Variants in SYT16 observed in about 807,000 individuals in gnomAD.
SYT16 encodes the protein synaptotagmin-16.
A neutral mutation model predicts 61.4 loss-of-function variants in SYT16; 42 were observed. The ratio of observed to expected loss-of-function variants is 0.68; its 90% confidence interval spans 0.53 to 0.89. SYT16 has a LOEUF of 0.89. Among genes scored for constraint, SYT16 ranks in the 40% least tolerant of loss-of-function variants. The pLI, the probability that SYT16 is intolerant of heterozygous loss-of-function variation, is 0.00. For missense variants in SYT16, 804 were observed against 807.3 expected, an observed-to-expected ratio of 1.00 and a Z score of 0.05; for synonymous variants, 314 against 302.3, an observed-to-expected ratio of 1.04 and a Z score of -0.40.
At chr14:62,014,925 T>A (rs1017351429) in intron 3 of SYT16, among the ~76,000 whole-genome samples, 4 of 152,204 alleles carry the variant, frequency 2.6e-5, no homozygotes, top group African/African-American at 9.6e-5. Context: ...AAATACTAAG[T>A]ACACTTTATA....
At chr14:61,843,830 G>A (rs1168291960) in intron 1 of SYT16, among the ~76,000 whole-genome samples, 3 of 152,190 alleles carry the variant, frequency 2.0e-5, no homozygotes, top group African/African-American at 7.2e-5. Flanking sequence ...TTTGAAGTCA[G>A]ATAATGTGAT....
Position 62,100,740 on chromosome 14 carries a change from C to A in SYT16, c.*33C>A. On this transcript the variant is annotated 3_prime_UTR_variant, in exon 8 of 8. Coordinates refer to ENST00000683842, the MANE Select transcript of SYT16 (RefSeq NM_001367656.1). Reference sequence around the variant, plus strand: ...AACCTGCATTTGTGTGCTGTGTCCACCTTGGTTACCTGTGTTGCTGTCTAC... The same window carrying A: ...AACCTGCATTTGTGTGCTGTGTCCAACTTGGTTACCTGTGTTGCTGTCTAC... 1 of 1,586,874 alleles carries A rather than the reference C, an allele frequency of 6.3e-7. No individual in the cohort carries two copies. Among genetic ancestry groups the A allele is most frequent in the South Asian group, 1.2e-5 (1 of 85,758 alleles).
intron 1 of SYT16, among the ~76,000 whole-genome samples, chr14:61,901,762 A>AATAATAATAATAATTATT (rs1010775490): frequency 7.9e-5 from 11 of 138,850 alleles, no homozygotes; most frequent in African/African-American, 3.2e-4. Context: ...TAATAATAAT[A>AATAATAATAATAATTATT]ATTATTATTA....
intron 4 of SYT16, among the ~76,000 whole-genome samples, chr14:62,071,761 T>C (rs1008782185): frequency 1.3e-5 from 2 of 152,220 alleles, no homozygotes; most frequent in East Asian, 3.8e-4. Context: ...CATTGTTTTG[T>C]AAGATCAAAT....
chr14:61,943,330 T>G (rs1265762504), intron 1 of SYT16, among the ~76,000 whole-genome samples: 1 of 152,162 alleles, frequency 6.6e-6, no homozygotes, highest in Admixed American at 6.5e-5. Context: ...CCATTCCTTC[T>G]AAAACTATTC....
At chr14:62,019,846 T>C (rs2053845178) in intron 3 of SYT16, among the ~76,000 whole-genome samples, 1 of 152,206 alleles carries the variant, frequency 6.6e-6, no homozygotes, top group Non-Finnish European at 1.5e-5. Flanking sequence ...AGCTGCCCAC[T>C]ACATCATTTA....
intron 3 of SYT16, among the ~76,000 whole-genome samples, chr14:62,053,374 G>C (rs895719907): frequency 6.6e-6 from 1 of 152,156 alleles, no homozygotes; most frequent in Admixed American, 6.5e-5. Context: ...CGGAACTTAC[G>C]CTATTGGTTC....
chr14:61,982,314 C>G (rs906795344), intron 2 of SYT16, among the ~76,000 whole-genome samples: 6 of 152,072 alleles, frequency 3.9e-5, no homozygotes, highest in African/African-American at 7.2e-5. Context: ...ATACCTGAGA[C>G]TGGGTAATTT....
At chr14:61,938,109 A>C (rs1190088634) in intron 1 of SYT16, among the ~76,000 whole-genome samples, 2 of 151,576 alleles carry the variant, frequency 1.3e-5, no homozygotes, top group African/African-American at 2.4e-5. Flanking sequence ...TATCTAGACT[A>C]TAAGTTTAAT....
chr14:61,872,835 G>A (rs1381557469), intron 1 of SYT16, among the ~76,000 whole-genome samples: 1 of 152,164 alleles, frequency 6.6e-6, no homozygotes, highest in Non-Finnish European at 1.5e-5. Context: ...TTGTCTGGAT[G>A]CCTAATTCAA....
chr14:62,073,442 T>C (rs143374373), intron 4 of SYT16, among the ~76,000 whole-genome samples: 1 of 152,288 alleles, frequency 6.6e-6, no homozygotes, highest in East Asian at 1.9e-4. Context: ...TGTTGTAGGT[T>C]TTTGCATGTG....
At chr14:61,820,457 C>T (rs1161837177) in intron 1 of SYT16, among the ~76,000 whole-genome samples, 1 of 145,028 alleles carries the variant, frequency 6.9e-6, no homozygotes, top group Non-Finnish European at 1.5e-5. Flanking sequence ...TGCTTCAGGG[C>T]ACCTCTTCAG....
At chr14:61,997,792 A>C (rs1193028641) in intron 3 of SYT16, among the ~76,000 whole-genome samples, 1 of 152,054 alleles carries the variant, frequency 6.6e-6, no homozygotes. Context: ...AGGTTGAACT[A>C]TATTTGAAAT....
At chr14:61,996,868 T>C (rs2052793274) in intron 3 of SYT16, among the ~76,000 whole-genome samples, 1 of 152,076 alleles carries the variant, frequency 6.6e-6, no homozygotes, top group African/African-American at 2.4e-5. Flanking sequence ...GTTCTTTTTT[T>C]CTTCTAGGTT....
At chr14:61,953,817 C>T (rs1015690023) in intron 1 of SYT16, among the ~76,000 whole-genome samples, 8 of 152,186 alleles carry the variant, frequency 5.3e-5, no homozygotes, top group Non-Finnish European at 2.9e-5. Flanking sequence ...TGTTCACTGC[C>T]TTTCCTGGGA....
At chr14:62,075,068 C>G in intron 4 of SYT16, 67 bp from the exon 5 acceptor site, 1 of 1,499,204 alleles carries the variant, frequency 6.7e-7, no homozygotes, top group African/African-American at 1.4e-5. Flanking sequence ...TGCAATTACT[C>G]AATTTCTCTA....
chr14:62,050,473 G>A (rs1595271350), intron 3 of SYT16, among the ~76,000 whole-genome samples: 4 of 152,218 alleles, frequency 2.6e-5, no homozygotes, highest in Admixed American at 6.5e-5. Flanking sequence ...CTCTCAACTC[G>A]TCAAAGTTAT....
At chr14:61,946,355 G>A (rs1356655019) in intron 1 of SYT16, among the ~76,000 whole-genome samples, 1 of 152,152 alleles carries the variant, frequency 6.6e-6, no homozygotes, top group Non-Finnish European at 1.5e-5. Flanking sequence ...ACATGGATAT[G>A]CGTGGAATAT....
At position 61,947,010 on chromosome 14, in the gene SYT16, T is replaced by C. The variant is rs534556682; in HGVS notation, c.-324-23122T>C. ...AAAGTATTCAAGCAGATGCCGATGG[T>C]TGTCAGACAGGGTGGTATACAGTGA... On this transcript the variant is annotated intron_variant, in intron 1 of 7. Transcript: ENST00000683842. Among the ~76,000 whole-genome samples, 4 of 152,066 alleles carry C rather than the reference T, an allele frequency of 2.6e-5. No homozygotes were observed. The East Asian group carries it at 7.8e-4, about 30-fold the overall frequency.
Sources: gnomAD v4.1 joint callset for allele counts (sites outside exome capture counted in the v4.1 genomes callset) on GRCh38, gnomAD v4.1.1 for gene constraint, MANE v1.5 for transcripts, NCBI Gene and HGNC (gene_info 2026-07-23, HGNC 2026-07-21) for gene names.